RASSF5: variants seen among roughly 807,000 people sequenced by gnomAD.
RASSF5 encodes ras association domain-containing protein 5.
Under a neutral mutation model 40.5 loss-of-function variants are expected in RASSF5, and 25 were observed. The observed-to-expected ratio is 0.62, with a 90% confidence interval of 0.45 to 0.86. The LOEUF is 0.86. Among genes scored for constraint, RASSF5 ranks in the 40% least tolerant of loss-of-function variants. The pLI, the probability that RASSF5 is intolerant of heterozygous loss-of-function variation, is 0.00. For synonymous variants in RASSF5, 246 were observed against 252.4 expected, an observed-to-expected ratio of 0.97 and a Z score of 0.24; for missense variants, 521 against 572.8, an observed-to-expected ratio of 0.91 and a Z score of 0.92.
chr1:206,531,483 C>T lies in RASSF5; in HGVS notation c.458-6689C>T, dbSNP rs1489894055. Among the ~76,000 whole-genome samples the T allele has an allele frequency of 6.6e-6, 1 of 152,090 alleles. No homozygotes were observed. Among genetic ancestry groups the T allele is most frequent in the Non-Finnish European group, 1.5e-5 (1 of 67,998 alleles). Reference sequence around the variant, plus strand: ...GGGGGAGCTGGCAGGGTAGAGGCTGCAGGGTGAGGGTGCAGGGGGCTGGAG... The same window carrying T: ...GGGGGAGCTGGCAGGGTAGAGGCTGTAGGGTGAGGGTGCAGGGGGCTGGAG... On this transcript the variant is annotated intron_variant, in intron 1 of 5. Transcript: ENST00000579436. The surrounding 1 kb of genome is among the most constrained non-coding windows in gnomAD (Gnocchi z 4.7).
intron 2 of RASSF5, among the ~76,000 whole-genome samples, chr1:206,549,928 G>A (rs114183951): frequency 7.2e-5 from 11 of 152,114 alleles, no homozygotes; most frequent in African/African-American, 1.4e-4. Flanking sequence ...TGCACACACC[G>A]ATCAGTAAGC....
At chr1:206,520,992 G>T (rs1267241782) in intron 1 of RASSF5, among the ~76,000 whole-genome samples, 3 of 152,178 alleles carry the variant, frequency 2.0e-5, no homozygotes, top group Admixed American at 6.5e-5. Context: ...CTTGAAGGTT[G>T]CCCAGGTAAA....
intron 1 of RASSF5, among the ~76,000 whole-genome samples, chr1:206,526,908 T>C (rs556160847): frequency 2.3e-4 from 35 of 152,318 alleles, no homozygotes; most frequent in African/African-American, 7.5e-4. Flanking sequence ...GCACCTACCA[T>C]ATGCCAGGTG....
rs372348578 is a variant in RASSF5, at chr1:206,546,546, C to A, written c.579+8253C>A. 6.8e-4 allele frequency among the ~76,000 whole-genome samples: 103 copies of A among 152,202 alleles called. 1 individual carries two copies. The highest frequency in any genetic ancestry group is 9.2e-4 in the African/African-American group (38 of 41,510). On this transcript the variant is annotated intron_variant, in intron 2 of 5. Transcript: ENST00000579436. ...CATTTGTTGCCTACAAGCTTTAACC[C>A]TTTGTTTTGTTATTTTAATGGTTGT...
At chr1:206,578,260 G>GTGTGTGTGTGTA (rs1339815554) in intron 2 of RASSF5, among the ~76,000 whole-genome samples, 2 of 151,056 alleles carry the variant, frequency 1.3e-5, no homozygotes, top group African/African-American at 4.9e-5. Context: ...GTGTGTGTGT[G>GTGTGTGTGTGTA]TGTAAGTAGA....
intron 2 of RASSF5, among the ~76,000 whole-genome samples, chr1:206,553,430 G>C (rs1667900891): frequency 6.6e-6 from 1 of 152,150 alleles, no homozygotes. Flanking sequence ...CTCTTGGAAG[G>C]CTTTGCACTA....
chr1:206,525,408 G>T (rs80140518), intron 1 of RASSF5, among the ~76,000 whole-genome samples: 10,965 of 152,104 alleles, frequency 0.072, 667 homozygotes, highest in African/African-American at 0.17. Flanking sequence ...GTTCCAGAAA[G>T]AATTTTTCTT....
At position 206,513,554 on chromosome 1, in the gene RASSF5, C is replaced by T. The variant is rs941256669; in HGVS notation, c.457+5495C>T. 2.0e-5 allele frequency among the ~76,000 whole-genome samples: 3 copies of T among 152,320 alleles called. No individual in the cohort carries two copies. Among genetic ancestry groups the T allele is most frequent in the East Asian group, 1.9e-4 (1 of 5,182 alleles). On this transcript the variant is annotated intron_variant, in intron 1 of 5. Coordinates refer to ENST00000579436, the MANE Select transcript of RASSF5 (RefSeq NM_182663.4). This position sits in a 1 kb window ranked among gnomAD's most constrained non-coding sequence, Gnocchi z 5.0. ...TGCTTTCTGCCTCCCTGCAGGGTCTCGCTCTGTCTCTGCTGACTCTGGGCA... is the reference window on the plus strand; with the variant it reads ...TGCTTTCTGCCTCCCTGCAGGGTCTTGCTCTGTCTCTGCTGACTCTGGGCA...
intron 2 of RASSF5, among the ~76,000 whole-genome samples, chr1:206,567,670 AAC>A (rs1394467901): frequency 1.3e-5 from 2 of 152,102 alleles, no homozygotes; most frequent in Non-Finnish European, 2.9e-5. Flanking sequence ...CATTTTGAGA[AAC>A]ACAGTTGCCA....
Position 206,552,041 on chromosome 1 carries a change from C to A in RASSF5, c.579+13748C>A, listed in dbSNP as rs1023249694. ...TGACATGAGTTCTTGAGGGTGTGGA[C>A]AACTGGGGTAACTCAGCTATCTTCA... On this transcript the variant is annotated intron_variant, in intron 2 of 5. Transcript: ENST00000579436. This position sits in a 1 kb window ranked among gnomAD's most constrained non-coding sequence, Gnocchi z 4.1. 3.9e-5 allele frequency among the ~76,000 whole-genome samples: 6 copies of A among 152,230 alleles called. No individual in the cohort carries two copies. Among genetic ancestry groups the A allele is most frequent in the Non-Finnish European group, 7.3e-5 (5 of 68,038 alleles).
intron 2 of RASSF5, among the ~76,000 whole-genome samples, chr1:206,538,784 A>G (rs73079051): frequency 0.048 from 7,285 of 152,282 alleles, 621 homozygotes; most frequent in African/African-American, 0.17. Context: ...AAGACACTTG[A>G]ACTGTGATGT....
At chr1:206,521,568 G>A (rs530381697) in intron 1 of RASSF5, among the ~76,000 whole-genome samples, 1 of 152,262 alleles carries the variant, frequency 6.6e-6, no homozygotes, top group East Asian at 1.9e-4. Context: ...AGGTCTCCTT[G>A]CAATCCTATT....
intron 2 of RASSF5, chr1:206,557,643 ACTG>A: frequency 6.2e-7 from 1 of 1,614,254 alleles, no homozygotes; most frequent in Non-Finnish European, 8.5e-7. Context: ...CTGCTTCTTC[ACTG>A]CTAAGACTAC....
chr1:206,541,262 C>T (rs1667539126), intron 2 of RASSF5, among the ~76,000 whole-genome samples: 1 of 152,206 alleles, frequency 6.6e-6, no homozygotes, highest in African/African-American at 2.4e-5. Context: ...TCTTTATTAA[C>T]ATTTTTATAT....
chr1:206,536,799 T>G (rs1459533028), intron 1 of RASSF5, among the ~76,000 whole-genome samples: 1 of 138,072 alleles, frequency 7.2e-6, no homozygotes, highest in East Asian at 2.5e-4. Flanking sequence ...CCGCCCACCC[T>G]AACCCATCCT....
chr1:206,584,614 CAAG>C lies in RASSF5; in HGVS notation c.922_924del (p.Lys308del), dbSNP rs782615492. 9.9e-6 allele frequency: 16 copies of C among 1,614,084 alleles called. No homozygotes were observed. In the East Asian group the frequency reaches 2.4e-4, roughly 25 times the overall value. On this transcript the variant is annotated inframe_deletion, in exon 4 of 6. Transcript: ENST00000579436. This position sits in a 1 kb window ranked among gnomAD's most constrained non-coding sequence, Gnocchi z 4.9. Reference sequence around the variant, plus strand: ...TCAGTGAGGTCATCCAGGGGCTGCTCAAGAAGTTCATGGTTGTGGACAATCCCC... The same window carrying C: ...TCAGTGAGGTCATCCAGGGGCTGCTCAAGTTCATGGTTGTGGACAATCCCC...
intron 1 of RASSF5, among the ~76,000 whole-genome samples, chr1:206,510,950 C>A (rs1176079486): frequency 1.3e-5 from 2 of 152,104 alleles, no homozygotes; most frequent in Non-Finnish European, 2.9e-5. Flanking sequence ...TGGGTGGGAA[C>A]CATGTTGGCA....
intron 1 of RASSF5, among the ~76,000 whole-genome samples, chr1:206,523,437 TTA>T (rs1491404355): frequency 2.7e-4 from 32 of 117,656 alleles, no homozygotes; most frequent in East Asian, 8.3e-4. Context: ...ATAATATATT[TTA>T]TATATAATAT....
At chr1:206,571,762 G>A (rs1210734444) in intron 2 of RASSF5, among the ~76,000 whole-genome samples, 3 of 152,212 alleles carry the variant, frequency 2.0e-5, no homozygotes, top group Non-Finnish European at 4.4e-5. Flanking sequence ...TCAGATGAAG[G>A]GCTCAGGGAG....
Sources: gnomAD v4.1 joint callset for allele counts (sites outside exome capture counted in the v4.1 genomes callset) on GRCh38, gnomAD v4.1.1 for gene constraint, Gnocchi (gnomAD v3.1) non-coding constraint, MANE v1.5 for transcripts, NCBI Gene and HGNC (gene_info 2026-07-23, HGNC 2026-07-21) for gene names.